Variants in SUGT1 observed in about 807,000 individuals in gnomAD.
SUGT1 encodes SGT1 assembly cochaperone of MIS12 kinetochore complex.
A neutral mutation model predicts 56.1 loss-of-function variants in SUGT1; 15 were observed. The observed-to-expected ratio is 0.27, with a 90% CI of 0.18 to 0.41. The LOEUF is 0.41. SUGT1 is among the 10% of genes least tolerant of loss of function. SUGT1 has a pLI of 1.00. For synonymous variants in SUGT1, 123 were observed against 128.6 expected, an observed-to-expected ratio of 0.96 and a Z score of 0.30; for missense variants, 347 against 382.2, an observed-to-expected ratio of 0.91 and a Z score of 0.77.
intron 5 of SUGT1, among the ~76,000 whole-genome samples, chr13:52,660,129 G>GA (rs1393399161): frequency 1.3e-5 from 2 of 151,828 alleles, no homozygotes; most frequent in Non-Finnish European, 2.9e-5. Context: ...GCACCCAGCC[G>GA]AGAGCCAAGA....
At position 52,690,143 on chromosome 13, in the gene SUGT1, T is replaced by G. The variant is rs561828796; in HGVS notation, c.*2308T>G. The G allele has an allele frequency of 2.6e-5, 4 of 152,278 alleles. No homozygotes were observed. The East Asian group carries it at 7.7e-4, about 29-fold the overall frequency. 9.4% of individuals were successfully genotyped at this position (152,278 alleles called of 1,614,324 possible). A position where few individuals can be genotyped will look rare whatever the true frequency, so the allele number is the denominator to read the frequency against. ...GACTGAAAGCATTATAAAACATACC[T>G]TGTCAAATACATTAGATTCATTATA... On this transcript the variant is annotated 3_prime_UTR_variant, in exon 13 of 13. Transcript: ENST00000310528.
rs1963978532 is a variant in SUGT1, at chr13:52,697,744, G to A, written c.*9909G>A. 1 of 152,140 alleles carries A rather than the reference G, an allele frequency of 6.6e-6. No individual in the cohort carries two copies. Among genetic ancestry groups the A allele is most frequent in the Non-Finnish European group, 1.5e-5 (1 of 68,036 alleles). The allele number at this position is 152,140 out of a possible 1,614,324, so 9.4% of individuals were successfully genotyped here. On this transcript the variant is annotated 3_prime_UTR_variant, in exon 13 of 13. Transcript: ENST00000310528. ...TTAAGGTATGTAGTAGAATAATATA[G>A]GTATCTGAAAAAGAACTTGGTTCAT... is the stretch of plus-strand genomic sequence containing the variant.
At chr13:52,671,772 T>C (rs1209731164) in intron 10 of SUGT1, among the ~76,000 whole-genome samples, 2 of 152,174 alleles carry the variant, frequency 1.3e-5, no homozygotes, top group East Asian at 1.9e-4. Context: ...TGAGGCTCGC[T>C]GAGATTGAGT....
At chr13:52,678,731 T>C (rs1963250741) in intron 11 of SUGT1, among the ~76,000 whole-genome samples, 1 of 151,430 alleles carries the variant, frequency 6.6e-6, no homozygotes, top group Non-Finnish European at 1.5e-5. Flanking sequence ...CAGGCTGGAA[T>C]GCAGTGGCAC....
rs146312791 is a variant in SUGT1, at chr13:52,698,330, A to T, written c.*10495A>T. The T allele has an allele frequency of 6.6e-6, 1 of 152,240 alleles. No individual in the cohort carries two copies. The highest frequency in any genetic ancestry group is 2.4e-5 in the African/African-American group (1 of 41,574). The allele number at this position is 152,240 out of a possible 1,614,324, so 9.4% of individuals were successfully genotyped here. On this transcript the variant is annotated 3_prime_UTR_variant, in exon 13 of 13. Coordinates refer to ENST00000310528, the MANE Select transcript of SUGT1 (RefSeq NM_006704.5). The stretch of plus-strand genomic sequence containing the variant: ...ATGTAGTCCAAACGTTTGGTTTTAC[A>T]GATGCACTTTTTCCAGAGTGCTGTC...
chr13:52,682,208 TTTTA>T (rs930539821), intron 12 of SUGT1, among the ~76,000 whole-genome samples: 2 of 152,140 alleles, frequency 1.3e-5, no homozygotes, highest in African/African-American at 2.4e-5. Context: ...TACATTTATT[TTTTA>T]TTTAGAGACA....
rs747676414 is a variant in SUGT1, at chr13:52,653,120, C to T, written c.96+17C>T. ...GCGTTAGAGGTGAGAGAGCCCATTTCTGCTTCCTCCACTCTTCTTAGGGGA... is the reference window on the plus strand; with the variant it reads ...GCGTTAGAGGTGAGAGAGCCCATTTTTGCTTCCTCCACTCTTCTTAGGGGA... On this transcript the variant is annotated intron_variant, in intron 2 of 12. Coordinates refer to ENST00000310528, the MANE Select transcript of SUGT1 (RefSeq NM_006704.5). 1.9e-6 allele frequency: 3 copies of T among 1,613,978 alleles called. No homozygotes were observed. The African/African-American group carries it at 4.0e-5, about 22-fold the overall frequency.
At chr13:52,657,982 G>A in intron 3 of SUGT1, 1 of 720,204 alleles carries the variant, frequency 1.4e-6, no homozygotes, top group Non-Finnish European at 1.9e-6. Context: ...AACACTTTGG[G>A]AGACCAAAGC....
intron 10 of SUGT1, among the ~76,000 whole-genome samples, chr13:52,669,621 G>A (rs1349151951): frequency 6.6e-6 from 1 of 152,040 alleles, no homozygotes; most frequent in African/African-American, 2.4e-5. Flanking sequence ...TCTAAGTTTT[G>A]AATTGGAGAA....
rs558639524 is a variant in SUGT1 at position 52,670,605 on chromosome 13, G to A, written c.627+3686G>A. ...TCGGATCACTTGAGGTCAAGAGTTC[G>A]AGAACAGCCTGGTCAACTTGGTGAA... On this transcript the variant is annotated intron_variant, in intron 10 of 12. Coordinates refer to ENST00000310528, the MANE Select transcript of SUGT1 (RefSeq NM_006704.5). Among the ~76,000 whole-genome samples the A allele has an allele frequency of 3.6e-3, 545 of 152,250 alleles. 2 individuals carry two copies. Among genetic ancestry groups the A allele is most frequent in the Non-Finnish European group, 4.3e-3 (293 of 68,014 alleles).
chr13:52,658,226 G>A, intron 3 of SUGT1, 173 bp from the exon 4 acceptor site: 1 of 1,515,056 alleles, frequency 6.6e-7, no homozygotes, highest in Non-Finnish European at 8.8e-7. Context: ...CCAAAAGGAA[G>A]GTACAAGAGT....
intron 12 of SUGT1, among the ~76,000 whole-genome samples, chr13:52,686,038 G>A (rs1594259727): frequency 6.6e-6 from 1 of 152,228 alleles, no homozygotes; most frequent in Non-Finnish European, 1.5e-5. Context: ...AGTGATTCTC[G>A]TGACTCAGCC....
At chr13:52,679,932 A>G (rs1057108601) in intron 11 of SUGT1, 42 bp from the exon 12 acceptor site, 2 of 1,538,240 alleles carry the variant, frequency 1.3e-6, no homozygotes, top group Non-Finnish European at 1.7e-6. Flanking sequence ...GACATAATTG[A>G]AACATGTTGA....
At chr13:52,666,571 A>T (rs1478805551) in intron 9 of SUGT1, among the ~76,000 whole-genome samples, 1 of 152,208 alleles carries the variant, frequency 6.6e-6, no homozygotes, top group African/African-American at 2.4e-5. Context: ...GACAAATATT[A>T]TGAAACTTAT....
rs544908658 is a variant in SUGT1, at chr13:52,696,058, T to C, written c.*8223T>C. 1 of 152,372 alleles carries C rather than the reference T, an allele frequency of 6.6e-6. No individual in the cohort carries two copies. Among genetic ancestry groups the C allele is most frequent in the African/African-American group, 2.4e-5 (1 of 41,584 alleles). 9.4% of individuals were successfully genotyped at this position (152,372 alleles called of 1,614,324 possible). ...ATGTCATGAGCATGCTTGAGAGTGC[T>C]AATCTATTCCTTGTTTGTCAGACCA... On this transcript the variant is annotated 3_prime_UTR_variant, in exon 13 of 13. Coordinates refer to ENST00000310528, the MANE Select transcript of SUGT1 (RefSeq NM_006704.5).
At chr13:52,657,169 T>A (rs558483758) in intron 2 of SUGT1, among the ~76,000 whole-genome samples, 1 of 152,332 alleles carries the variant, frequency 6.6e-6, no homozygotes, top group African/African-American at 2.4e-5. Flanking sequence ...TCAAATTCTA[T>A]ATGGTGTTTG....
chr13:52,700,047 A>G lies in SUGT1; in HGVS notation c.*12212A>G, dbSNP rs892639116. On this transcript the variant is annotated 3_prime_UTR_variant, in exon 13 of 13. Transcript: ENST00000310528. ...AGCAGGCACAAAGGTGAGAACAGGAATACGAAACACAACATCTGTAAATGA... is the reference window on the plus strand; with the variant it reads ...AGCAGGCACAAAGGTGAGAACAGGAGTACGAAACACAACATCTGTAAATGA... The G allele has an allele frequency of 2.0e-5, 3 of 152,198 alleles. No homozygotes were observed. Among genetic ancestry groups the G allele is most frequent in the Non-Finnish European group, 4.4e-5 (3 of 68,020 alleles). 9.4% of individuals were successfully genotyped at this position (152,198 alleles called of 1,614,324 possible). A position where few individuals can be genotyped will look rare whatever the true frequency, so the allele number is the denominator to read the frequency against.
Position 52,684,385 on chromosome 13 carries a change from A to C in SUGT1, c.901-3349A>C, listed in dbSNP as rs894945732. On this transcript the variant is annotated intron_variant, in intron 12 of 12. Coordinates refer to ENST00000310528, the MANE Select transcript of SUGT1 (RefSeq NM_006704.5). ...GTTATTGAATTTTTTCTTCCAAAGA[A>C]TTAGCTCTTTGTTTCGTTTTTTCCT... 1.9e-4 allele frequency among the ~76,000 whole-genome samples: 29 copies of C among 150,280 alleles called. 1 individual carries two copies. The highest frequency in any genetic ancestry group is 7.1e-4 in the African/African-American group (29 of 40,858).
chr13:52,658,223 G>A, intron 3 of SUGT1, 176 bp from the exon 4 acceptor site: 2 of 1,514,388 alleles, frequency 1.3e-6, no homozygotes, highest in Non-Finnish European at 8.8e-7. Flanking sequence ...AAGCCAAAAG[G>A]AAGGTACAAG....
Sources: allele counts gnomAD v4.1 joint callset (sites outside exome capture counted in the v4.1 genomes callset), GRCh38; gene constraint gnomAD v4.1.1; transcripts MANE v1.5; gene names NCBI Gene and HGNC (gene_info 2026-07-23, HGNC 2026-07-21).